The following ARR3 variants were observed in gnomAD, a reference collection of about 807,000 sequenced individuals.
ARR3 encodes arrestin 3.
Under a neutral mutation model 35.4 loss-of-function variants are expected in ARR3, and 14 were observed. The ratio of observed to expected loss-of-function variants is 0.40; its 90% CI spans 0.26 to 0.62. ARR3 has a LOEUF of 0.62. ARR3 is among the 20% of genes least tolerant of loss of function. ARR3 has a pLI of 0.46. For missense variants in ARR3, 259 were observed against 303.8 expected, an observed-to-expected ratio of 0.85 and a Z score of 1.10; for synonymous variants, 97 against 119.1, an observed-to-expected ratio of 0.81 and a Z score of 1.21.
In ARR3 at chrX:70,276,418, C is replaced by CT; in HGVS notation, c.346-10dup. 3.3e-6 allele frequency: 4 copies of CT among 1,209,447 alleles called. No homozygotes were observed. Among genetic ancestry groups the CT allele is most frequent in the Non-Finnish European group, 4.5e-6 (4 of 893,377 alleles). On this transcript the variant is annotated splice_polypyrimidine_tract_variant and intron_variant, in intron 6 of 16. Transcript: ENST00000307959. ...TCTTTTCTACTTCTTTTCTGATCTCCTTTTTGTCCCCTAGATGGTGACCAA... is the reference window on the plus strand; with the variant it reads ...TCTTTTCTACTTCTTTTCTGATCTCCTTTTTTGTCCCCTAGATGGTGACCAA...
chrX:70,270,185 G>C (rs2085624556), intron 5 of ARR3, 41 bp downstream of exon 5: 3 of 1,173,436 alleles, frequency 2.6e-6, no homozygotes, highest in Non-Finnish European at 3.5e-6. Context: ...GTTTCAGACA[G>C]GTAACCCGAT....
chrX:70,281,010 G>GA, intron 15 of ARR3, 89 bp from the exon 16 acceptor site: 1 of 946,216 alleles, frequency 1.1e-6, no homozygotes, highest in East Asian at 3.8e-5. Context: ...GTTGGGGGGG[G>GA]GGGAAGTAAA....
At chrX:70,274,199 C>CT (rs200481457) in intron 5 of ARR3, among the ~76,000 whole-genome samples, 4,770 of 90,750 alleles carry the variant, frequency 0.053, 139 homozygotes, top group Non-Finnish European at 0.07. Flanking sequence ...TGTTCAGTAG[C>CT]TTTTTTTTTT....
chrX:70,275,000 T>G (rs183858030), intron 5 of ARR3, among the ~76,000 whole-genome samples: 39 of 112,630 alleles, frequency 3.5e-4, no homozygotes, highest in Admixed American at 2.7e-3. Context: ...ATACCACAAA[T>G]TTTTTATCCA....
intron 12 of ARR3, among the ~76,000 whole-genome samples, chrX:70,278,900 T>C (rs2085666386): frequency 8.9e-6 from 1 of 112,845 alleles, no homozygotes; most frequent in Admixed American, 9.3e-5. Context: ...TTGTATAAGA[T>C]TTCACAGTTC....
Position 70,277,731 on chromosome X carries a change from G to A in ARR3, c.625G>A (p.Glu209Lys). The change falls in exon 10 of 17, where the codon GAA becomes AAA. Residue 209 changes from glutamate to lysine, a missense_variant. Glu to Lys is a moderately conservative substitution (Grantham distance 56). Transcript: ENST00000307959. ...CCTGCTTTAGGTTCACTACCACGGA[G>A]AACCCATCTCTGTCAATGTTTCTAT... ...WMDREVHYHG[E>K]PISVNVSINN... 1.7e-6 allele frequency: 2 copies of A among 1,210,442 alleles called. No homozygotes were observed. Among genetic ancestry groups the A allele is most frequent in the South Asian group, 3.5e-5 (2 of 56,773 alleles).
At chrX:70,274,064 T>C (rs375382700) in intron 5 of ARR3, among the ~76,000 whole-genome samples, 2 of 110,804 alleles carry the variant, frequency 1.8e-5, no homozygotes, top group African/African-American at 3.3e-5. Context: ...TATTATTCTC[T>C]TGATGGCTCC....
At chrX:70,269,155 C>G (rs1356817180) in intron 1 of ARR3, among the ~76,000 whole-genome samples, 1 of 111,112 alleles carries the variant, frequency 9.0e-6, no homozygotes, top group Non-Finnish European at 1.9e-5. Context: ...GGTTTTTTTC[C>G]CCTCTTGCCC....
At chrX:70,269,219 A>G (rs751117129) in intron 1 of ARR3, 137 bp from the exon 2 acceptor site, 6 of 535,264 alleles carry the variant, frequency 1.1e-5, no homozygotes, top group African/African-American at 2.4e-5. Flanking sequence ...GGAGAATAGG[A>G]GGTACTTGAT....
At chrX:70,281,612 T>C in intron 16 of ARR3, 64 bp from the exon 17 acceptor site, 1 of 957,206 alleles carries the variant, frequency 1.0e-6, no homozygotes, top group African/African-American at 1.9e-5. Flanking sequence ...GAAAAAAGAG[T>C]GGACACGGAG....
chrX:70,278,701 C>T (rs1602723917), intron 12 of ARR3, 60 bp downstream of exon 12: 1 of 1,153,856 alleles, frequency 8.7e-7, no homozygotes, highest in African/African-American at 1.8e-5. Flanking sequence ...CCACATGCTA[C>T]ATTTACAGCT....
intron 9 of ARR3, 40 bp downstream of exon 9, chrX:70,277,569 C>T (rs757593922): frequency 1.7e-6 from 2 of 1,197,059 alleles, no homozygotes; most frequent in African/African-American, 1.7e-5. Context: ...CCCAGAACCC[C>T]TCTGATGCCC....
chrX:70,278,177 G>A, intron 11 of ARR3, 39 bp downstream of exon 11: 1 of 1,145,962 alleles, frequency 8.7e-7, no homozygotes, highest in Non-Finnish European at 1.2e-6. Context: ...GAGCCAAGGG[G>A]TGGGGTGGTG....
At chrX:70,280,995 G>A in intron 15 of ARR3, 104 bp from the exon 16 acceptor site, 1 of 768,968 alleles carries the variant, frequency 1.3e-6, no homozygotes, top group Non-Finnish European at 1.7e-6. Context: ...GCAAAGGATT[G>A]GGAAGTTGGG....
At chrX:70,273,996 A>T (rs2085641058) in intron 5 of ARR3, among the ~76,000 whole-genome samples, 1 of 107,297 alleles carries the variant, frequency 9.3e-6, no homozygotes, top group South Asian at 4.3e-4. Flanking sequence ...TCCCTACTTA[A>T]CCCTTCTCCT....
rs776265103 is a variant in ARR3, at chrX:70,276,697, G to C, written c.434G>C (p.Ser145Thr). 15 of 1,211,751 alleles carry C rather than the reference G, an allele frequency of 1.2e-5. No individual in the cohort carries two copies. The highest frequency in any genetic ancestry group is 1.7e-5 in the Non-Finnish European group (15 of 895,455). ...TGTGGGATTGACTTTGAAGTGAAGA[G>C]TTTCTGTGCTGAAAACCCAGAGGAG... The part of the protein sequence containing the change: ...KPCGIDFEVK[S>T]FCAENPEETV... Residue 145 changes from serine to threonine, a missense_variant, in exon 8 of 17, where the codon AGT (serine) becomes ACT (threonine). Transcript: ENST00000307959.
rs189707321 is a variant in ARR3 at position 70,276,767 on chromosome X, C to A, written c.473+31C>A. The stretch of plus-strand genomic sequence containing the variant: ...CTTTGGTTGTCCCCAAAAATCCCTG[C>A]CTCCAGCCTCTGCCAGGAAACAGAT... On this transcript the variant is annotated intron_variant, in intron 8 of 16. Coordinates refer to ENST00000307959, the MANE Select transcript of ARR3 (RefSeq NM_004312.3). 6.9e-6 allele frequency: 8 copies of A among 1,154,490 alleles called. No individual in the cohort carries two copies. The Admixed American group carries it at 1.5e-4, about 22-fold the overall frequency.
intron 12 of ARR3, among the ~76,000 whole-genome samples, chrX:70,278,856 A>G (rs2085666150): frequency 8.9e-6 from 1 of 112,765 alleles, no homozygotes; most frequent in African/African-American, 3.2e-5. Flanking sequence ...CGGCAGAAAA[A>G]AAGGAAAACA....
chrX:70,275,945 G>C, intron 5 of ARR3, 137 bp from the exon 6 acceptor site: 5 of 652,255 alleles, frequency 7.7e-6, no homozygotes, highest in Non-Finnish European at 1.2e-5. Flanking sequence ...CCAAAGTGCT[G>C]GGATTACAGG....
Sources: gnomAD v4.1 joint callset for allele counts (sites outside exome capture counted in the v4.1 genomes callset) on GRCh38, gnomAD v4.1.1 for gene constraint, MANE v1.5 for transcripts, NCBI Gene and HGNC (gene_info 2026-07-23, HGNC 2026-07-21) for gene names.